The following ADGRL2 variants were observed in gnomAD, a reference collection of about 807,000 sequenced individuals.
ADGRL2 encodes calcium-independent alpha-latrotoxin receptor 2.
ADGRL2 carries 44 observed loss-of-function variants against 157.4 expected under a neutral mutation model. That is an observed-to-expected ratio of 0.28 (90% CI 0.22 to 0.36). The LOEUF (loss-of-function observed/expected upper bound fraction) is 0.36. Ranked by LOEUF, ADGRL2 falls within the 10% of genes least tolerant of loss-of-function variation. The probability of loss-of-function intolerance (pLI) is 1.00; values close to 1 mark genes in which losing one functional copy is unlikely to be tolerated. For synonymous variants in ADGRL2, 585 were observed against 624.7 expected (o/e 0.94, Z 0.95); for missense variants, 1,510 against 1,768.9 (o/e 0.85, Z 2.63).
At chr1:81,922,544 A>G (rs1395279335) in intron 3 of ADGRL2, among the ~76,000 whole-genome samples, 1 of 152,226 alleles carries the variant, frequency 6.6e-6, no homozygotes, top group Non-Finnish European at 1.5e-5. Context: ...ATAGTAGAGA[A>G]GAGTAAGGTA....
At chr1:81,850,309 T>C (rs1009123139) in intron 2 of ADGRL2, among the ~76,000 whole-genome samples, 2 of 147,196 alleles carry the variant, frequency 1.4e-5, no homozygotes, top group African/African-American at 4.8e-5. Flanking sequence ...GTTCTCTTCG[T>C]TGTCTTCTTT....
intron 1 of ADGRL2, among the ~76,000 whole-genome samples, chr1:81,706,238 T>G (rs115491070): frequency 1.5e-5 from 2 of 134,732 alleles, no homozygotes; most frequent in Non-Finnish European, 3.2e-5. Context: ...AATAAAAAAA[T>G]TTTTTTAAAA....
At chr1:81,984,477 T>C in intron 19 of ADGRL2, 106 bp from the exon 20 acceptor site, 1 of 1,192,832 alleles carries the variant, frequency 8.4e-7, no homozygotes, top group South Asian at 2.1e-5. Context: ...GGATAAGTTT[T>C]AGTGGAACTT....
At chr1:81,948,632 T>C (rs995138910) in intron 6 of ADGRL2, among the ~76,000 whole-genome samples, 1 of 152,218 alleles carries the variant, frequency 6.6e-6, no homozygotes, top group Non-Finnish European at 1.5e-5. Flanking sequence ...CCTGGCTGCA[T>C]TGTAATCAAA....
At chr1:81,324,594 A>G (rs1357458694) in intron 1 of ADGRL2, among the ~76,000 whole-genome samples, 2 of 150,898 alleles carry the variant, frequency 1.3e-5, no homozygotes, top group East Asian at 3.9e-4. Flanking sequence ...AAAATTATAT[A>G]TACACACACA....
intron 1 of ADGRL2, among the ~76,000 whole-genome samples, chr1:81,385,031 G>C (rs984976947): frequency 6.6e-6 from 1 of 152,102 alleles, no homozygotes; most frequent in Non-Finnish European, 1.5e-5. Context: ...AAGTTGTAGT[G>C]AGTTCTACAT....
rs140256557 is a variant in ADGRL2 at position 81,943,490 on chromosome 1, G to A, written c.931G>A (p.Asp311Asn). 72 of 1,613,748 alleles carry A rather than the reference G, an allele frequency of 4.5e-5. 1 individual carries two copies. The African/African-American group carries it at 7.3e-4, about 16-fold the overall frequency. Reference protein sequence around the residue: ...RFEATWETVYDKRAASNAFMI... With the variant: ...RFEATWETVYNKRAASNAFMI... ...TGAAGCAACGTGGGAGACTGTATAC[G>A]ACAAACGTGCCGCATCAAATGCTTT... The change falls in exon 6 of 24, where the codon GAC becomes AAC. Residue 311 changes from aspartate to asparagine, a missense_variant. Physicochemically the swap from Asp to Asn is conservative, Grantham distance 23. Coordinates refer to ENST00000686636, the MANE Select transcript of ADGRL2 (RefSeq NM_001366006.2). This position sits in a 1 kb window ranked among gnomAD's most constrained non-coding sequence, Gnocchi z 5.6.
chr1:81,403,197 A>C (rs995773887), intron 1 of ADGRL2, among the ~76,000 whole-genome samples: 8 of 151,208 alleles, frequency 5.3e-5, no homozygotes, highest in Non-Finnish European at 1.2e-4. Flanking sequence ...AGAAAAAGGG[A>C]GCTATTGGAA....
At chr1:81,956,104 C>A (rs771676796) in intron 11 of ADGRL2, 44 bp downstream of exon 11, 16 of 1,392,016 alleles carry the variant, frequency 1.1e-5, no homozygotes, top group Non-Finnish European at 1.6e-5. Context: ...TTAGGATATT[C>A]ATATGTAAGA....
At chr1:81,684,019 G>A (rs1157504983) in intron 3 of ADGRL2, among the ~76,000 whole-genome samples, 1 of 152,066 alleles carries the variant, frequency 6.6e-6, no homozygotes, top group Admixed American at 6.5e-5. Context: ...GTTTCACCAT[G>A]TTGGTCAGGC....
At chr1:81,695,800 G>T (rs2083430770), upstream of ADGRL2, among the ~76,000 whole-genome samples, 1 of 150,356 alleles carries the variant, frequency 6.7e-6, no homozygotes, top group Non-Finnish European at 1.5e-5. Flanking sequence ...TCCAGCCTGG[G>T]CAACAGAGTG....
intron 2 of ADGRL2, among the ~76,000 whole-genome samples, chr1:81,552,852 A>G (rs1269982459): frequency 6.6e-6 from 1 of 152,216 alleles, no homozygotes; most frequent in Non-Finnish European, 1.5e-5. Context: ...ATAAACATGT[A>G]TTCCAAAGTG....
chr1:81,642,824 A>G (rs1006947742), intron 3 of ADGRL2, among the ~76,000 whole-genome samples: 15 of 152,226 alleles, frequency 9.9e-5, no homozygotes, highest in African/African-American at 3.6e-4. Flanking sequence ...GGTTAAGAAG[A>G]AAAATCCCAT....
upstream of ADGRL2, among the ~76,000 whole-genome samples, chr1:81,797,339 A>G (rs1306299865): frequency 6.6e-6 from 1 of 152,138 alleles, no homozygotes; most frequent in African/African-American, 2.4e-5. Flanking sequence ...TTAGAGTTTC[A>G]CAAACTCTAA....
chr1:81,728,542 C>G (rs558511227), intron 1 of ADGRL2, among the ~76,000 whole-genome samples: 156 of 152,258 alleles, frequency 1.0e-3, no homozygotes, highest in Non-Finnish European at 1.9e-3. Flanking sequence ...AAATGTAACT[C>G]ATAGTCTAAT....
upstream of ADGRL2, among the ~76,000 whole-genome samples, chr1:81,799,683 C>A (rs1571267535): frequency 6.6e-6 from 1 of 152,140 alleles, no homozygotes; most frequent in Admixed American, 6.5e-5. Flanking sequence ...AACATTCCTG[C>A]AGCACCAAAA....
chr1:81,658,243 G>T (rs1049374904), intron 3 of ADGRL2, among the ~76,000 whole-genome samples: 3 of 151,760 alleles, frequency 2.0e-5, no homozygotes, highest in African/African-American at 7.3e-5. Flanking sequence ...TTATAGGCAC[G>T]TGCCACCGCG....
chr1:81,675,956 A>G (rs1044807868), intron 3 of ADGRL2, among the ~76,000 whole-genome samples: 2 of 152,132 alleles, frequency 1.3e-5, no homozygotes, highest in Non-Finnish European at 2.9e-5. Context: ...GATCAAATTT[A>G]TGGTTTGTTT....
In ADGRL2 at chr1:81,801,028, C is replaced by T. The variant is rs970255641; in HGVS notation, c.-141C>T. On this transcript the variant is annotated 5_prime_UTR_variant, in exon 1 of 24. Transcript: ENST00000686636. The stretch of plus-strand genomic sequence containing the variant: ...CGGGGCCGGCCTGGTCCTCGGGCGG[C>T]TGCTTGGCCACCGCCACCGCCGTCC... Among the ~76,000 whole-genome samples the T allele has an allele frequency of 2.0e-5, 3 of 151,222 alleles. No homozygotes were observed. The highest frequency in any genetic ancestry group is 7.3e-5 in the African/African-American group (3 of 41,352).
Sources: allele counts gnomAD v4.1 joint callset (sites outside exome capture counted in the v4.1 genomes callset), GRCh38; gene constraint gnomAD v4.1.1; non-coding constraint Gnocchi (gnomAD v3.1); transcripts MANE v1.5; gene names NCBI Gene and HGNC (gene_info 2026-07-23, HGNC 2026-07-21).